CTNNA3: variants seen among roughly 807,000 people sequenced by gnomAD.
CTNNA3 encodes catenin alpha-3.
A neutral mutation model predicts 95.7 loss-of-function variants in CTNNA3; 76 were observed. The ratio of observed to expected loss-of-function variants is 0.79; its 90% CI spans 0.66 to 0.96. CTNNA3 has a LOEUF of 0.96. CTNNA3 is among the 40% of genes least tolerant of loss of function. The probability of loss-of-function intolerance (pLI) is 0.00; values close to 1 mark genes in which losing one functional copy is unlikely to be tolerated. For synonymous variants in CTNNA3, 431 were observed against 374.4 expected (o/e 1.15, Z -1.74); for missense variants, 1,191 against 1,089.8 (o/e 1.09, Z -1.31).
chr10:66,236,225 GAAT>G (rs2132025074), intron 13 of CTNNA3, among the ~76,000 whole-genome samples: 1 of 152,254 alleles, frequency 6.6e-6, no homozygotes, highest in Admixed American at 6.5e-5. Context: ...GTTTTCTTAT[GAAT>G]AAAGTATCTC....
chr10:67,362,641 C>A (rs1843031767), intron 5 of CTNNA3, among the ~76,000 whole-genome samples: 1 of 151,956 alleles, frequency 6.6e-6, no homozygotes, highest in Non-Finnish European at 1.5e-5. Flanking sequence ...AACCCACAGC[C>A]AACATCATAC....
At chr10:67,230,603 C>A (rs908266660) in intron 5 of CTNNA3, among the ~76,000 whole-genome samples, 40 of 152,028 alleles carry the variant, frequency 2.6e-4, no homozygotes, top group African/African-American at 8.7e-4. Context: ...AAGAAAAAAA[C>A]AAAAATCCCA....
intron 7 of CTNNA3, among the ~76,000 whole-genome samples, chr10:66,806,798 A>G (rs112909350): frequency 1.4e-5 from 2 of 143,622 alleles, no homozygotes; most frequent in African/African-American, 2.6e-5. Flanking sequence ...GTGTGTGTGT[A>G]TACATATATA....
chr10:66,028,609 G>T (rs1017066046), intron 15 of CTNNA3, among the ~76,000 whole-genome samples: 5 of 145,148 alleles, frequency 3.4e-5, no homozygotes, highest in Non-Finnish European at 6.1e-5. Flanking sequence ...GTGGGGGAAG[G>T]GGGGAGGGAT....
chr10:67,638,348 G>C (rs530451538), intron 2 of CTNNA3, among the ~76,000 whole-genome samples: 92 of 152,270 alleles, frequency 6.0e-4, no homozygotes, highest in African/African-American at 2.0e-3. Context: ...GGAGCACCCA[G>C]ATTCATAAAG....
chr10:67,383,346 T>C (rs934266269), intron 5 of CTNNA3, among the ~76,000 whole-genome samples: 5 of 152,192 alleles, frequency 3.3e-5, no homozygotes, highest in Non-Finnish European at 7.3e-5. Flanking sequence ...ACATGCGTAA[T>C]GCTATTTAAT....
At chr10:67,096,187 G>T (rs1857980703) in intron 7 of CTNNA3, among the ~76,000 whole-genome samples, 1 of 151,806 alleles carries the variant, frequency 6.6e-6, no homozygotes, top group African/African-American at 2.4e-5. Context: ...AATCTTAAAA[G>T]AAGTGATTAG....
intron 5 of CTNNA3, among the ~76,000 whole-genome samples, chr10:67,259,137 C>T (rs998799828): frequency 1.3e-5 from 2 of 152,166 alleles, no homozygotes; most frequent in Admixed American, 1.3e-4. Context: ...AGAGGGACAA[C>T]TATATTCTCC....
At chr10:67,746,433 T>G (rs1019741307) in intron 1 of CTNNA3, among the ~76,000 whole-genome samples, 3 of 150,820 alleles carry the variant, frequency 2.0e-5, no homozygotes, top group African/African-American at 7.3e-5. Context: ...ACAGCTACAG[T>G]GGGAGGCTTC....
intron 7 of CTNNA3, among the ~76,000 whole-genome samples, chr10:66,898,119 T>C (rs1845575141): frequency 3.9e-5 from 6 of 152,296 alleles, no homozygotes; most frequent in East Asian, 1.9e-4. Context: ...CTGCAATGGA[T>C]TGAAAAATAC....
At chr10:66,566,374 C>T (rs1842706398) in intron 10 of CTNNA3, among the ~76,000 whole-genome samples, 1 of 152,080 alleles carries the variant, frequency 6.6e-6, no homozygotes, top group Non-Finnish European at 1.5e-5. Context: ...TATAAAACTG[C>T]TTGAAATTTA....
intron 9 of CTNNA3, among the ~76,000 whole-genome samples, chr10:66,743,990 A>AAG (rs1849417751): frequency 6.6e-6 from 1 of 151,052 alleles, no homozygotes; most frequent in Admixed American, 6.6e-5. Flanking sequence ...AAAAAAAAAA[A>AAG]AAAAAAAAAG....
At chr10:67,065,539 A>C (rs2764808) in intron 7 of CTNNA3, among the ~76,000 whole-genome samples, 76,994 of 151,618 alleles carry the variant, frequency 0.51, 19,877 homozygotes, top group Middle Eastern at 0.64. Flanking sequence ...GGCCCACAGG[A>C]AGTATAAGCT....
chr10:66,704,149 G>A (rs936303307), intron 9 of CTNNA3, among the ~76,000 whole-genome samples: 1 of 151,954 alleles, frequency 6.6e-6, no homozygotes. Flanking sequence ...TGTATACGGT[G>A]TTTTTCTATT....
At chr10:67,637,926 C>T (rs1271473048) in intron 2 of CTNNA3, among the ~76,000 whole-genome samples, 1 of 152,118 alleles carries the variant, frequency 6.6e-6, no homozygotes, top group African/African-American at 2.4e-5. Context: ...ATTGTAAAGA[C>T]CATCAAGGCT....
chr10:66,575,067 T>C (rs1842968048), intron 10 of CTNNA3, among the ~76,000 whole-genome samples: 1 of 152,120 alleles, frequency 6.6e-6, no homozygotes, highest in Admixed American at 6.5e-5. Flanking sequence ...AATGCAATCA[T>C]GATTTAGTGA....
intron 13 of CTNNA3, among the ~76,000 whole-genome samples, chr10:66,120,509 T>G (rs2082532742): frequency 6.6e-6 from 1 of 152,108 alleles, no homozygotes. Context: ...ACTTTTAGAG[T>G]CTAGATTCCT....
intron 5 of CTNNA3, among the ~76,000 whole-genome samples, chr10:67,249,701 G>A (rs557533262): frequency 1.3e-5 from 2 of 152,318 alleles, no homozygotes; most frequent in South Asian, 4.1e-4. Context: ...AAAGGTGGCA[G>A]GTGACAGAGC....
intron 17 of CTNNA3, among the ~76,000 whole-genome samples, chr10:65,926,288 A>G (rs1023223312): frequency 1.3e-5 from 2 of 151,874 alleles, no homozygotes; most frequent in African/African-American, 4.8e-5. Flanking sequence ...TAAAATAAAT[A>G]GGAACTTATG....
Sources: allele counts gnomAD v4.1 joint callset (sites outside exome capture counted in the v4.1 genomes callset), GRCh38; gene constraint gnomAD v4.1.1; transcripts MANE v1.5; gene names NCBI Gene and HGNC (gene_info 2026-07-23, HGNC 2026-07-21).